Variants in PRKG1 observed in about 807,000 individuals in gnomAD.
PRKG1 encodes cGMP-dependent protein kinase 1.
In PRKG1, 35 loss-of-function variants were observed where a neutral mutation model predicts 88.1. The ratio of observed to expected loss-of-function variants is 0.40; its 90% CI spans 0.30 to 0.53. The LOEUF (loss-of-function observed/expected upper bound fraction) is 0.53, where lower values mean the gene tolerates loss of function less well. PRKG1 is among the 20% of genes least tolerant of loss of function. PRKG1 has a pLI of 0.59. For synonymous variants in PRKG1, 303 were observed against 292.5 expected, an observed-to-expected ratio of 1.04 and a Z score of -0.37; for missense variants, 540 against 839.8, an observed-to-expected ratio of 0.64 and a Z score of 4.41.
chr10:51,170,426 A>G (rs1846672214), intron 2 of PRKG1, among the ~76,000 whole-genome samples: 1 of 130,744 alleles, frequency 7.6e-6, no homozygotes, highest in Non-Finnish European at 1.6e-5. Context: ...ATTTTTTCAA[A>G]TGTCTGGGTA....
intron 1 of PRKG1, among the ~76,000 whole-genome samples, chr10:51,080,084 TA>T (rs968822488): frequency 2.6e-5 from 4 of 152,234 alleles, no homozygotes; most frequent in Non-Finnish European, 5.9e-5. Flanking sequence ...ATAGAGTTTC[TA>T]ATTTAAGGTT....
intron 7 of PRKG1, among the ~76,000 whole-genome samples, chr10:52,100,177 G>C (rs144791848): frequency 6.6e-6 from 1 of 152,200 alleles, no homozygotes; most frequent in Non-Finnish European, 1.5e-5. Context: ...GTGAACTCAT[G>C]TAAAGAGACT....
chr10:51,594,177 A>C (rs2132213755), intron 3 of PRKG1, among the ~76,000 whole-genome samples: 1 of 152,240 alleles, frequency 6.6e-6, no homozygotes, highest in South Asian at 2.1e-4. Context: ...GTGTATGCCA[A>C]CATGCCCATC....
chr10:51,956,416 G>T (rs539381092), intron 5 of PRKG1, among the ~76,000 whole-genome samples: 23 of 151,456 alleles, frequency 1.5e-4, no homozygotes, highest in Non-Finnish European at 2.4e-4. Context: ...AATTATTTTT[G>T]AATAGTAACA....
chr10:52,038,583 C>T (rs1039238919), intron 5 of PRKG1, among the ~76,000 whole-genome samples: 16 of 151,904 alleles, frequency 1.1e-4, no homozygotes, highest in East Asian at 1.9e-4. Flanking sequence ...GGTACTTGCC[C>T]CTCCCCCAGA....
intron 5 of PRKG1, among the ~76,000 whole-genome samples, chr10:51,949,194 T>C (rs998161137): frequency 6.6e-6 from 1 of 152,090 alleles, no homozygotes; most frequent in African/African-American, 2.4e-5. Context: ...TAAAACAAAA[T>C]AGCATATATG....
intron 2 of PRKG1, among the ~76,000 whole-genome samples, chr10:51,154,360 T>C (rs1186359947): frequency 6.6e-6 from 1 of 151,892 alleles, no homozygotes; most frequent in Non-Finnish European, 1.5e-5. Flanking sequence ...TGCTGACTTC[T>C]AGTGGGTAAA....
chr10:51,643,630 C>G, intron 3 of PRKG1, among the ~76,000 whole-genome samples: 1 of 152,108 alleles, frequency 6.6e-6, no homozygotes, highest in South Asian at 2.1e-4. Context: ...TGTGGTGGAT[C>G]TCCTGCTGAG....
intron 3 of PRKG1, among the ~76,000 whole-genome samples, chr10:51,506,035 A>G (rs1841191207): frequency 6.6e-6 from 1 of 151,794 alleles, no homozygotes; most frequent in Non-Finnish European, 1.5e-5. Context: ...GACAAACCTG[A>G]CAAAAACAAG....
intron 8 of PRKG1, among the ~76,000 whole-genome samples, chr10:52,149,687 C>T (rs947368458): frequency 6.6e-6 from 1 of 151,154 alleles, no homozygotes; most frequent in Non-Finnish European, 1.5e-5. Flanking sequence ...CGTGGACTTC[C>T]AGCCTCCAGA....
chr10:51,291,016 A>G (rs1025689290), intron 2 of PRKG1, among the ~76,000 whole-genome samples: 12 of 152,198 alleles, frequency 7.9e-5, no homozygotes, highest in East Asian at 3.8e-4. Context: ...TAGTCTTTGT[A>G]TACGTAATAA....
At chr10:52,189,104 A>G (rs907394652) in intron 9 of PRKG1, among the ~76,000 whole-genome samples, 2 of 152,206 alleles carry the variant, frequency 1.3e-5, no homozygotes, top group African/African-American at 4.8e-5. Flanking sequence ...AGTTTTTGTC[A>G]ATTTTTATCA....
chr10:51,522,182 A>G (rs1257005379), intron 3 of PRKG1, among the ~76,000 whole-genome samples: 3 of 152,182 alleles, frequency 2.0e-5, no homozygotes, highest in African/African-American at 7.2e-5. Flanking sequence ...TTAGTATATA[A>G]CCATTAAGCT....
intron 5 of PRKG1, among the ~76,000 whole-genome samples, chr10:51,992,876 A>G (rs1400691768): frequency 2.0e-5 from 3 of 152,210 alleles, no homozygotes; most frequent in Non-Finnish European, 4.4e-5. Flanking sequence ...AGTAGAAGAC[A>G]GTAGATATCT....
At chr10:51,283,840 C>G (rs955811178) in intron 2 of PRKG1, among the ~76,000 whole-genome samples, 1 of 152,090 alleles carries the variant, frequency 6.6e-6, no homozygotes, top group Non-Finnish European at 1.5e-5. Flanking sequence ...ACCATCCACT[C>G]GAGACCCCAA....
At chr10:51,206,425 G>C (rs1330825464) in intron 2 of PRKG1, among the ~76,000 whole-genome samples, 1 of 151,646 alleles carries the variant, frequency 6.6e-6, no homozygotes, top group African/African-American at 2.4e-5. Flanking sequence ...CCGGGAGGCG[G>C]AGGATGTAGT....
chr10:51,987,334 CA>C (rs1844187143), intron 5 of PRKG1, among the ~76,000 whole-genome samples: 2 of 151,414 alleles, frequency 1.3e-5, no homozygotes, highest in South Asian at 4.2e-4. Context: ...TGGTTCAAGA[CA>C]GAGAAAAAAA....
At chr10:52,233,304 G>A (rs751248580) in intron 9 of PRKG1, among the ~76,000 whole-genome samples, 92 of 152,258 alleles carry the variant, frequency 6.0e-4, no homozygotes, top group Non-Finnish European at 1.1e-3. Flanking sequence ...ATCTCCAGCT[G>A]TTAAATGGCA....
intron 2 of PRKG1, among the ~76,000 whole-genome samples, chr10:51,371,051 T>C (rs576901445): frequency 2.0e-5 from 3 of 152,290 alleles, no homozygotes; most frequent in East Asian, 3.9e-4. Context: ...TTTTCATTTT[T>C]TTTTATTTCT....
Sources: allele counts gnomAD v4.1 joint callset (sites outside exome capture counted in the v4.1 genomes callset), GRCh38; gene constraint gnomAD v4.1.1; transcripts MANE v1.5; gene names NCBI Gene and HGNC (gene_info 2026-07-23, HGNC 2026-07-21).